PHF14: variants seen among roughly 807,000 people sequenced by gnomAD.
PHF14 encodes the protein PHD finger protein 14.
A neutral mutation model predicts 117.9 loss-of-function variants in PHF14; 55 were observed. The ratio of observed to expected loss-of-function variants is 0.47; its 90% confidence interval spans 0.38 to 0.58. PHF14 has a LOEUF of 0.58. Among genes scored for constraint, PHF14 ranks in the 20% least tolerant of loss-of-function variants. The pLI, the probability that PHF14 is intolerant of heterozygous loss-of-function variation, is 0.00. For missense variants in PHF14, 978 were observed against 1,122.2 expected, an observed-to-expected ratio of 0.87 and a Z score of 1.84; for synonymous variants, 409 against 368.6, an observed-to-expected ratio of 1.11 and a Z score of -1.26.
chr7:11,036,160 G>A (rs1346504596), intron 8 of PHF14, among the ~76,000 whole-genome samples: 1 of 152,068 alleles, frequency 6.6e-6, no homozygotes, highest in African/African-American at 2.4e-5. Context: ...CAGTTATTAA[G>A]AAGAGAAACT....
intron 7 of PHF14, among the ~76,000 whole-genome samples, chr7:11,034,501 A>C (rs1233264293): frequency 6.9e-6 from 1 of 144,496 alleles, no homozygotes; most frequent in African/African-American, 2.6e-5. Flanking sequence ...GCATAACTTA[A>C]ATTTTTTTAT....
At chr7:11,085,428 G>A (rs1463137293) in intron 16 of PHF14, among the ~76,000 whole-genome samples, 1 of 152,136 alleles carries the variant, frequency 6.6e-6, no homozygotes, top group Non-Finnish European at 1.5e-5. Flanking sequence ...AACCTTTTGT[G>A]TAATGTATTG....
At chr7:11,106,931 A>G (rs1372054851) in intron 16 of PHF14, 1 of 983,992 alleles carries the variant, frequency 1.0e-6, no homozygotes, top group Non-Finnish European at 1.2e-6. Flanking sequence ...GGCATAAAAG[A>G]TAATGTGATT....
intron 4 of PHF14, among the ~76,000 whole-genome samples, chr7:11,013,278 C>T (rs1301518683): frequency 2.6e-5 from 4 of 152,100 alleles, no homozygotes; most frequent in Non-Finnish European, 5.9e-5. Context: ...TCTCCTGCCT[C>T]GGCTTCTCGA....
At chr7:11,041,863 G>T (rs1014506179) in intron 12 of PHF14, among the ~76,000 whole-genome samples, 43 of 150,154 alleles carry the variant, frequency 2.9e-4, no homozygotes, top group African/African-American at 1.0e-3. Flanking sequence ...CTTTTTAAGT[G>T]TGTGTGTGTG....
chr7:11,077,599 T>TAAAAAAAA (rs10658162), intron 16 of PHF14, among the ~76,000 whole-genome samples: 1 of 105,040 alleles, frequency 9.5e-6, no homozygotes, highest in African/African-American at 4.0e-5. Context: ...GACTCTGTCT[T>TAAAAAAAA]AAAAAAAAAA....
intron 16 of PHF14, chr7:11,106,936 G>C (rs764882794): frequency 1.0e-6 from 1 of 983,894 alleles, no homozygotes; most frequent in Non-Finnish European, 1.2e-6. Context: ...AAAAGATAAT[G>C]TGATTATCAC....
intron 16 of PHF14, among the ~76,000 whole-genome samples, chr7:11,089,687 A>G (rs1786563818): frequency 6.6e-6 from 1 of 151,396 alleles, no homozygotes; most frequent in Non-Finnish European, 1.5e-5. Context: ...AGAATGGTTG[A>G]TTATTGCCTC....
At chr7:11,032,436 G>C (rs1396083322) in intron 7 of PHF14, among the ~76,000 whole-genome samples, 1 of 151,354 alleles carries the variant, frequency 6.6e-6, no homozygotes, top group Admixed American at 6.6e-5. Flanking sequence ...CCGAAGTTGT[G>C]TCTTCTTTCA....
At chr7:11,152,714 G>GT (rs968377577) in intron 17 of PHF14, among the ~76,000 whole-genome samples, 2 of 152,146 alleles carry the variant, frequency 1.3e-5, no homozygotes, top group Admixed American at 1.3e-4. Flanking sequence ...CAGACAATCT[G>GT]TAAATAACCA....
At chr7:11,080,813 A>G (rs1786070042) in intron 16 of PHF14, among the ~76,000 whole-genome samples, 1 of 152,208 alleles carries the variant, frequency 6.6e-6, no homozygotes, top group Non-Finnish European at 1.5e-5. Flanking sequence ...TTAGAGGGCC[A>G]TCAAGCACAA....
intron 17 of PHF14, among the ~76,000 whole-genome samples, chr7:11,152,314 C>G (rs1746616905): frequency 1.3e-5 from 2 of 152,280 alleles, no homozygotes; most frequent in South Asian, 2.1e-4. Context: ...CCTAGCTCCT[C>G]TAATATTTTT....
In PHF14 at chr7:11,007,213, A is replaced by G. The variant is rs118090490; in HGVS notation, c.1046-6534A>G. ...CGTCTCACAAAAAAAAAAGAAAGAA[A>G]AGAAAAGCTTAGTTATTAGGTTCTC... On this transcript the variant is annotated intron_variant, in intron 4 of 17. Coordinates refer to ENST00000634607, the MANE Select transcript of PHF14 (RefSeq NM_001007157.2). Among the ~76,000 whole-genome samples, 260 of 152,220 alleles carry G rather than the reference A, an allele frequency of 1.7e-3. 10 individuals are homozygous for G. In the East Asian group the frequency reaches 0.041, roughly 24 times the overall value.
At chr7:11,099,753 A>G (rs904412110) in intron 16 of PHF14, among the ~76,000 whole-genome samples, 1 of 152,090 alleles carries the variant, frequency 6.6e-6, no homozygotes, top group Non-Finnish European at 1.5e-5. Context: ...CATTAACTTC[A>G]TTTTTTCTTA....
chr7:10,990,106 A>G (rs1178848210), intron 3 of PHF14, among the ~76,000 whole-genome samples: 4 of 152,124 alleles, frequency 2.6e-5, no homozygotes, highest in Non-Finnish European at 5.9e-5. Flanking sequence ...GCAGGCTCTC[A>G]TGGATCTGTC....
intron 17 of PHF14, among the ~76,000 whole-genome samples, chr7:11,137,004 A>G (rs779761691): frequency 1.3e-5 from 2 of 152,268 alleles, no homozygotes; most frequent in African/African-American, 2.4e-5. Flanking sequence ...TATATAAGAC[A>G]TATGCTACGC....
chr7:10,974,419 C>CTTTCCCGCA, intron 1 of PHF14, 95 bp downstream of exon 1: 2 of 1,061,390 alleles, frequency 1.9e-6, no homozygotes, highest in Non-Finnish European at 2.9e-6. Flanking sequence ...GAGAGTCCTG[C>CTTTCCCGCA]GGGAAAGCAG....
intron 17 of PHF14, among the ~76,000 whole-genome samples, chr7:11,141,729 C>T (rs73065407): frequency 0.03 from 4,486 of 151,984 alleles, 122 homozygotes; most frequent in Non-Finnish European, 0.04. Context: ...TAAATCTCTA[C>T]GTGATTATTG....
chr7:11,134,672 A>C (rs899708437), intron 17 of PHF14, among the ~76,000 whole-genome samples: 2 of 152,062 alleles, frequency 1.3e-5, no homozygotes, highest in Non-Finnish European at 2.9e-5. Context: ...AGTTCTGGTC[A>C]GTGTTCTTTC....
Sources: allele counts gnomAD v4.1 joint callset (sites outside exome capture counted in the v4.1 genomes callset), GRCh38; gene constraint gnomAD v4.1.1; transcripts MANE v1.5; gene names NCBI Gene and HGNC (gene_info 2026-07-23, HGNC 2026-07-21).